FOXP4: variants seen among roughly 807,000 people sequenced by gnomAD.
FOXP4 encodes the protein forkhead box protein P4.
Under a neutral mutation model 82.6 loss-of-function variants are expected in FOXP4, and 25 were observed. The ratio of observed to expected loss-of-function variants is 0.30; its 90% CI spans 0.22 to 0.42. The LOEUF (loss-of-function observed/expected upper bound fraction) is 0.42, where lower values mean the gene tolerates loss of function less well. Ranked by LOEUF, FOXP4 falls within the 10% of genes least tolerant of loss-of-function variation. The probability of loss-of-function intolerance (pLI) is 1.00; values close to 1 mark genes in which losing one functional copy is unlikely to be tolerated. For synonymous variants in FOXP4, 415 were observed against 388.2 expected, an observed-to-expected ratio of 1.07 and a Z score of -0.81; for missense variants, 785 against 900.9, an observed-to-expected ratio of 0.87 and a Z score of 1.65.
chr6:41,552,419 G>A (rs1010407413), intron 1 of FOXP4, among the ~76,000 whole-genome samples: 8 of 152,180 alleles, frequency 5.3e-5, no homozygotes, highest in African/African-American at 1.9e-4. Context: ...AGCTGGAGAA[G>A]CTGGATGGTC....
At chr6:41,571,826 C>T (rs1324688150) in intron 2 of FOXP4, among the ~76,000 whole-genome samples, 5 of 152,102 alleles carry the variant, frequency 3.3e-5, no homozygotes. Flanking sequence ...CTTTCCTCCC[C>T]CCAGGTCAGT....
Position 41,558,174 on chromosome 6 carries a change from G to T in FOXP4, c.-16-7571G>T, listed in dbSNP as rs1237277196. 6.6e-6 allele frequency among the ~76,000 whole-genome samples: 1 copy of T among 152,164 alleles called. No homozygotes were observed. The highest frequency in any genetic ancestry group is 1.5e-5 in the Non-Finnish European group (1 of 68,038). ...CCAAGGAGGGCAGGGGCTTGGAGAG[G>T]GATTAAGCCTACTCTCGAACTCACA... On this transcript the variant is annotated intron_variant, in intron 1 of 16. Coordinates refer to ENST00000307972, the MANE Select transcript of FOXP4 (RefSeq NM_001012426.2). The surrounding 1 kb of genome is among the most constrained non-coding windows in gnomAD (Gnocchi z 4.0).
At chr6:41,590,776 G>C (rs1766469328) in intron 12 of FOXP4, among the ~76,000 whole-genome samples, 1 of 152,086 alleles carries the variant, frequency 6.6e-6, no homozygotes, top group South Asian at 2.1e-4. Context: ...ACCCACACAG[G>C]CATGTACACC....
chr6:41,590,729 A>G (rs186935439), intron 12 of FOXP4, among the ~76,000 whole-genome samples: 107 of 152,272 alleles, frequency 7.0e-4, no homozygotes, highest in African/African-American at 2.4e-3. Context: ...TTCACACTCA[A>G]GCATGAACTT....
Position 41,590,498 on chromosome 6 carries a change from G to A in FOXP4, c.1434+151G>A, listed in dbSNP as rs115245979. 2,504 of 788,880 alleles carry A rather than the reference G, an allele frequency of 3.2e-3. 47 individuals are homozygous for A. The African/African-American group carries it at 0.039, about 12-fold the overall frequency. 48.9% of individuals were successfully genotyped at this position (788,880 alleles called of 1,614,324 possible). A position where few individuals can be genotyped will look rare whatever the true frequency, so the allele number is the denominator to read the frequency against. ...TGGCGGTCTTCCCTCTCTGCTGTGC[G>A]GGGCTCTCCTGCAGGCTGGGCCCTG... On this transcript the variant is annotated intron_variant, in intron 12 of 16. Transcript: ENST00000307972.
intron 2 of FOXP4, among the ~76,000 whole-genome samples, chr6:41,569,621 G>T (rs558649621): frequency 6.6e-6 from 1 of 152,330 alleles, no homozygotes; most frequent in African/African-American, 2.4e-5. Flanking sequence ...CCAAGTTGGG[G>T]CCAGGAGGGC....
chr6:41,571,076 G>T (rs1765172957), intron 2 of FOXP4, among the ~76,000 whole-genome samples: 1 of 152,204 alleles, frequency 6.6e-6, no homozygotes, highest in Non-Finnish European at 1.5e-5. Flanking sequence ...AGGGATGTAT[G>T]TCTGGTAGCC....
At chr6:41,597,583 C>G (rs1766923186) in intron 15 of FOXP4, among the ~76,000 whole-genome samples, 198 bp from the exon 16 acceptor site, 1 of 151,988 alleles carries the variant, frequency 6.6e-6, no homozygotes, top group South Asian at 2.1e-4. Flanking sequence ...GTCGGGGGGT[C>G]AGAGTTCCAG....
chr6:41,570,844 A>G (rs1038517203), intron 2 of FOXP4, among the ~76,000 whole-genome samples: 2 of 152,164 alleles, frequency 1.3e-5, no homozygotes, highest in Admixed American at 1.3e-4. Flanking sequence ...TCATCAGGGC[A>G]GAACTTGGCC....
chr6:41,594,185 G>A (rs1766685172), intron 13 of FOXP4, among the ~76,000 whole-genome samples: 1 of 152,218 alleles, frequency 6.6e-6, no homozygotes, highest in African/African-American at 2.4e-5. Context: ...GAGGAGGTGG[G>A]ACAGACAAGG....
intron 13 of FOXP4, among the ~76,000 whole-genome samples, chr6:41,592,728 T>G (rs772234265): frequency 6.6e-6 from 1 of 152,164 alleles, no homozygotes; most frequent in Non-Finnish European, 1.5e-5. Context: ...GTCTTACCTG[T>G]AATGCCCTGC....
chr6:41,547,317 C>CA (rs1252838441), intron 1 of FOXP4: 1 of 151,982 alleles, frequency 6.6e-6, no homozygotes, highest in Admixed American at 6.5e-5. Context: ...CGCCCCGAGT[C>CA]AGACAAAGAA....
intron 2 of FOXP4, among the ~76,000 whole-genome samples, chr6:41,570,551 C>T (rs1765143257): frequency 6.6e-6 from 1 of 152,090 alleles, no homozygotes; most frequent in Non-Finnish European, 1.5e-5. Context: ...GGGCAGAGGG[C>T]GGGGCTGGGG....
Position 41,593,406 on chromosome 6 carries a change from G to A in FOXP4, c.1537-1464G>A, listed in dbSNP as rs1231580144. ...CTGATGGTCCTTGCTGGCCCTCCCCGTGTCCATCCCCTCCCAAGGCCCGTG... is the reference window on the plus strand; with the variant it reads ...CTGATGGTCCTTGCTGGCCCTCCCCATGTCCATCCCCTCCCAAGGCCCGTG... On this transcript the variant is annotated intron_variant, in intron 13 of 16. Coordinates refer to ENST00000307972, the MANE Select transcript of FOXP4 (RefSeq NM_001012426.2). The surrounding 1 kb of genome is among the most constrained non-coding windows in gnomAD (Gnocchi z 4.1). 1.3e-5 allele frequency among the ~76,000 whole-genome samples: 2 copies of A among 152,084 alleles called. No individual in the cohort carries two copies. Among genetic ancestry groups the A allele is most frequent in the East Asian group, 1.9e-4 (1 of 5,174 alleles).
chr6:41,588,844 G>A, intron 9 of FOXP4, 113 bp downstream of exon 9: 1 of 1,149,624 alleles, frequency 8.7e-7, no homozygotes, highest in Admixed American at 1.9e-5. Context: ...AGGGTCCTAT[G>A]GTCAAAGCCA....
chr6:41,592,286 G>A (rs969299441), intron 13 of FOXP4, among the ~76,000 whole-genome samples: 5 of 152,208 alleles, frequency 3.3e-5, no homozygotes, highest in African/African-American at 9.7e-5. Context: ...GGTCTGCACA[G>A]TGCCTGCCTA....
At chr6:41,582,928 T>C (rs1411698989) in intron 3 of FOXP4, among the ~76,000 whole-genome samples, 1 of 152,154 alleles carries the variant, frequency 6.6e-6, no homozygotes, top group Non-Finnish European at 1.5e-5. Flanking sequence ...CCCTGGGAGC[T>C]ATGGAGTATG....
intron 3 of FOXP4, 150 bp from the exon 4 acceptor site, chr6:41,584,617 AAG>A (rs1466902179): frequency 8.0e-6 from 7 of 874,100 alleles, no homozygotes; most frequent in South Asian, 1.9e-5. Context: ...TCACTGTCCA[AAG>A]AGAGAGACAG....
intron 1 of FOXP4, among the ~76,000 whole-genome samples, chr6:41,557,235 G>A (rs1345818150): frequency 6.6e-6 from 1 of 152,170 alleles, no homozygotes; most frequent in East Asian, 1.9e-4. Context: ...GGAGAATTGA[G>A]GGAAATCACT....
Sources: gnomAD v4.1 joint callset for allele counts (sites outside exome capture counted in the v4.1 genomes callset) on GRCh38, gnomAD v4.1.1 for gene constraint, Gnocchi (gnomAD v3.1) non-coding constraint, MANE v1.5 for transcripts, NCBI Gene and HGNC (gene_info 2026-07-23, HGNC 2026-07-21) for gene names.